IRAG2: variants seen among roughly 807,000 people sequenced by gnomAD.
IRAG2 encodes the protein lymphoid restricted membrane protein.
IRAG2 carries 45 observed loss-of-function variants against 69.9 expected under a neutral mutation model. The ratio of observed to expected loss-of-function variants is 0.64; its 90% CI spans 0.51 to 0.83. The LOEUF (loss-of-function observed/expected upper bound fraction) is 0.83, where lower values mean the gene tolerates loss of function less well. Among genes scored for constraint, IRAG2 ranks in the 40% least tolerant of loss-of-function variants. The pLI, the probability that IRAG2 is intolerant of heterozygous loss-of-function variation, is 0.00. For synonymous variants in IRAG2, 193 were observed against 202.4 expected (o/e 0.95, Z 0.40); for missense variants, 520 against 587.0 (o/e 0.89, Z 1.18).
chr12:25,088,264 T>A, intron 11 of IRAG2, 107 bp downstream of exon 11: 1 of 882,028 alleles, frequency 1.1e-6, no homozygotes, highest in Non-Finnish European at 1.9e-6. Context: ...ATTCTGCATC[T>A]CTGGATAAGG....
intron 1 of IRAG2, among the ~76,000 whole-genome samples, chr12:25,053,568 T>C (rs1195461584): frequency 6.6e-6 from 1 of 152,130 alleles, no homozygotes; most frequent in African/African-American, 2.4e-5. Context: ...ACCAGAGATT[T>C]ATGTGAGAAG....
chr12:25,102,290 T>G (rs1948803647), intron 17 of IRAG2, 49 bp downstream of exon 17: 3 of 1,456,674 alleles, frequency 2.1e-6, no homozygotes, highest in South Asian at 2.4e-5. Flanking sequence ...TATAAGACGG[T>G]TTTAAAATGT....
At chr12:25,009,362 T>A (rs540575703) in intron 2 of IRAG2, among the ~76,000 whole-genome samples, 1 of 152,324 alleles carries the variant, frequency 6.6e-6, no homozygotes, top group African/African-American at 2.4e-5. Flanking sequence ...TATTGAACAC[T>A]TGTAGCAAAA....
At chr12:24,999,263 G>A in the IRAG2 span, among the ~76,000 whole-genome samples, 2,623 of 152,310 alleles carry the variant, frequency 0.017, 40 homozygotes, top group Non-Finnish European at 0.028. Context: ...TACACTGGTG[G>A]TGAAAATCAA....
intron 16 of IRAG2, 44 bp from the exon 17 acceptor site, chr12:25,102,154 G>A (rs755517370): frequency 1.3e-6 from 2 of 1,502,316 alleles, no homozygotes. Flanking sequence ...AACATAAATG[G>A]CATGTGTAAT....
intron 6 of IRAG2, chr12:25,076,423 G>C (rs765252149): frequency 1.6e-4 from 154 of 981,368 alleles, no homozygotes; most frequent in Non-Finnish European, 1.9e-4. Flanking sequence ...CAGAGCATTA[G>C]GGCAAATGAG....
intron 16 of IRAG2, among the ~76,000 whole-genome samples, chr12:25,040,868 A>G (rs925730770): frequency 1.3e-5 from 2 of 152,222 alleles, no homozygotes; most frequent in Admixed American, 1.3e-4. Flanking sequence ...GAAATAAGAC[A>G]GAAATCTCTG....
chr12:25,082,593 C>T (rs1947294342), intron 9 of IRAG2, among the ~76,000 whole-genome samples: 1 of 108,132 alleles, frequency 9.2e-6, no homozygotes, highest in African/African-American at 3.0e-5. Context: ...GAGTGAGACC[C>T]TGTCTCAAAA....
intron 10 of IRAG2, among the ~76,000 whole-genome samples, chr12:25,085,489 G>A (rs1947521698): frequency 6.6e-6 from 1 of 152,144 alleles, no homozygotes; most frequent in African/African-American, 2.4e-5. Flanking sequence ...ACTATTGTCA[G>A]TCTGCCAGTC....
At chr12:25,083,634 T>G (rs1358078375) in intron 10 of IRAG2, 141 bp downstream of exon 10, 6 of 568,280 alleles carry the variant, frequency 1.1e-5, no homozygotes, top group Non-Finnish European at 1.5e-5. Context: ...ATTAATATTT[T>G]ATAGGCAAAG....
At chr12:25,026,187 A>G (rs977255681) in intron 8 of IRAG2, among the ~76,000 whole-genome samples, 1 of 152,168 alleles carries the variant, frequency 6.6e-6, no homozygotes, top group Non-Finnish European at 1.5e-5. Flanking sequence ...ATTTAGGTAA[A>G]AGGCAGTATA....
intron 6 of IRAG2, among the ~76,000 whole-genome samples, chr12:25,018,193 CT>C (rs56659655): frequency 0.078 from 8,170 of 105,298 alleles, 248 homozygotes; most frequent in African/African-American, 0.15. Flanking sequence ...TTTCTTTCTT[CT>C]TTTTTTTTTT....
intron 11 of IRAG2, among the ~76,000 whole-genome samples, chr12:25,088,856 T>G (rs561386044): frequency 2.6e-5 from 4 of 152,138 alleles, no homozygotes; most frequent in African/African-American, 4.8e-5. Context: ...TTAATATGTA[T>G]GAAGCACTTA....
intron 8 of IRAG2, among the ~76,000 whole-genome samples, chr12:25,025,593 C>T (rs1182020450): frequency 6.6e-6 from 1 of 152,114 alleles, no homozygotes; most frequent in African/African-American, 2.4e-5. Flanking sequence ...GATCTAATTC[C>T]GTTTTAACAA....
At chr12:25,069,647 T>C (rs527310513) in intron 6 of IRAG2, among the ~76,000 whole-genome samples, 58 of 152,354 alleles carry the variant, frequency 3.8e-4, no homozygotes, top group Non-Finnish European at 7.1e-4. Flanking sequence ...CTTTCTACCC[T>C]GTGTTTAGTA....
At chr12:25,050,076 T>C (rs182777188), upstream of IRAG2, among the ~76,000 whole-genome samples, 6 of 149,864 alleles carry the variant, frequency 4.0e-5, no homozygotes, top group East Asian at 1.2e-3. Flanking sequence ...TGAGCCGAGA[T>C]TGCGCCACTG....
intron 4 of IRAG2, among the ~76,000 whole-genome samples, chr12:25,065,862 G>C (rs953599224): frequency 6.6e-6 from 1 of 152,128 alleles, no homozygotes; most frequent in African/African-American, 2.4e-5. Context: ...TAGAGATGGG[G>C]GTTTGCCATG....
At chr12:25,052,996 A>C in intron 1 of IRAG2, 40 bp downstream of exon 1, 1 of 398,448 alleles carries the variant, frequency 2.5e-6, no homozygotes, top group East Asian at 3.6e-5. Flanking sequence ...GTTTTTGTCC[A>C]CCCTCAGGCG....
the IRAG2 span, among the ~76,000 whole-genome samples, chr12:24,999,307 T>C: frequency 0.024 from 3,713 of 152,250 alleles, 95 homozygotes; most frequent in African/African-American, 0.065. Context: ...AAGAATCAAA[T>C]CGGACTTGTT....
Sources: allele counts gnomAD v4.1 joint callset (sites outside exome capture counted in the v4.1 genomes callset), GRCh38; gene constraint gnomAD v4.1.1; transcripts MANE v1.5; gene names NCBI Gene and HGNC (gene_info 2026-07-23, HGNC 2026-07-21).